Variants in CNTN6 observed in about 807,000 individuals in gnomAD.
The protein encoded by CNTN6 is contactin-6.
Under a neutral mutation model 122.8 loss-of-function variants are expected in CNTN6, and 137 were observed. That is an observed-to-expected ratio of 1.12 (90% CI 0.97 to 1.29). The LOEUF (loss-of-function observed/expected upper bound fraction) is 1.29, where lower values mean the gene tolerates loss of function less well. Among genes scored for constraint, CNTN6 ranks in the 50% most tolerant of loss-of-function variants. The pLI is 0.00. For synonymous variants in CNTN6, 570 were observed against 426.0 expected (o/e 1.34, Z -4.16); for missense variants, 1,634 against 1,223.4 (o/e 1.34, Z -5.01).
At chr3:1,319,543 G>A (rs910801900) in intron 7 of CNTN6, among the ~76,000 whole-genome samples, 1 of 151,414 alleles carries the variant, frequency 6.6e-6, no homozygotes, top group African/African-American at 2.4e-5. Flanking sequence ...AATGACTTCT[G>A]TCTTCACAAT....
rs1349629389 is a variant in CNTN6 at position 1,165,466 on chromosome 3, T to G, written c.55+17403T>G. ...AGAACCAGATAGATTCTTCTCAACC[T>G]TGTATTGAAGCTCTAGCAGGATTCC... On this transcript the variant is annotated intron_variant, in intron 2 of 22. Coordinates refer to ENST00000446702, the MANE Select transcript of CNTN6 (RefSeq NM_001289080.2). 3.3e-5 allele frequency among the ~76,000 whole-genome samples: 5 copies of G among 152,272 alleles called. No homozygotes were observed. In the East Asian group the frequency reaches 5.8e-4, roughly 18 times the overall value.
At chr3:1,315,185 A>G (rs916781321) in intron 7 of CNTN6, among the ~76,000 whole-genome samples, 4 of 152,024 alleles carry the variant, frequency 2.6e-5, no homozygotes, top group Non-Finnish European at 5.9e-5. Flanking sequence ...ACCTTCCTCC[A>G]TGGTGTTCTT....
At chr3:1,128,890 G>A (rs6442219) in intron 1 of CNTN6, among the ~76,000 whole-genome samples, 63,977 of 151,394 alleles carry the variant, frequency 0.42, 13,619 homozygotes, top group East Asian at 0.46. Context: ...GTACTATTCA[G>A]TTCCATAAAA....
intron 11 of CNTN6, among the ~76,000 whole-genome samples, chr3:1,344,080 A>G (rs925165040): frequency 2.0e-5 from 3 of 152,152 alleles, no homozygotes; most frequent in African/African-American, 4.8e-5. Context: ...TAAGTTAGTT[A>G]TTGAATCTCC....
intron 2 of CNTN6, among the ~76,000 whole-genome samples, chr3:1,154,390 A>G (rs1332210873): frequency 6.6e-6 from 1 of 151,688 alleles, no homozygotes; most frequent in East Asian, 1.9e-4. Flanking sequence ...AAAAATAGCT[A>G]TGCTATGACT....
rs190562246 is a variant in CNTN6 at position 1,161,860 on chromosome 3, T to G, written c.55+13797T>G. Among the ~76,000 whole-genome samples, 167 of 152,148 alleles carry G rather than the reference T, an allele frequency of 1.1e-3. 1 individual carries two copies. The highest frequency in any genetic ancestry group is 3.8e-3 in the African/African-American group (157 of 41,512). Reference sequence around the variant, plus strand: ...GTAGATATATATTTTCTATACATGTTACATTACACTAAATGATATTGTAAT... The same window carrying G: ...GTAGATATATATTTTCTATACATGTGACATTACACTAAATGATATTGTAAT... On this transcript the variant is annotated intron_variant, in intron 2 of 22. Coordinates refer to ENST00000446702, the MANE Select transcript of CNTN6 (RefSeq NM_001289080.2).
intron 4 of CNTN6, among the ~76,000 whole-genome samples, chr3:1,232,882 G>C (rs2094370522): frequency 6.6e-6 from 1 of 152,210 alleles, no homozygotes; most frequent in South Asian, 2.1e-4. Context: ...TCTGGACAGA[G>C]AAAGTGGTAG....
At chr3:1,395,085 T>C (rs1330084892) in intron 20 of CNTN6, among the ~76,000 whole-genome samples, 7 of 152,172 alleles carry the variant, frequency 4.6e-5, no homozygotes. Flanking sequence ...CCAGCCTGTA[T>C]GCTTCAGTGA....
In CNTN6 at chr3:1,390,064, T is replaced by C. The variant is rs575577836; in HGVS notation, c.2704+4267T>C. Among the ~76,000 whole-genome samples, 564 of 152,128 alleles carry C rather than the reference T, an allele frequency of 3.7e-3. 3 individuals are homozygous for C. The highest frequency in any genetic ancestry group is 0.013 in the African/African-American group (526 of 41,468). The stretch of plus-strand genomic sequence containing the variant: ...TCAGCTCTGCACCAAGTGGACCTAA[T>C]AGACATCTACAGAACTCTCCACCAC... On this transcript the variant is annotated intron_variant, in intron 20 of 22. Transcript: ENST00000446702.
intron 5 of CNTN6, among the ~76,000 whole-genome samples, chr3:1,290,654 C>T (rs1361772722): frequency 6.6e-6 from 1 of 152,174 alleles, no homozygotes; most frequent in Non-Finnish European, 1.5e-5. Flanking sequence ...ATGGCTACTC[C>T]ATAGACATAG....
intron 5 of CNTN6, among the ~76,000 whole-genome samples, chr3:1,288,649 A>C (rs1260238643): frequency 6.6e-6 from 1 of 152,184 alleles, no homozygotes; most frequent in Non-Finnish European, 1.5e-5. Context: ...ATCTGTTCTA[A>C]AGTGCCAATA....
chr3:1,161,260 G>GAT lies in CNTN6; in HGVS notation c.55+13213_55+13214dup, dbSNP rs200977178. The stretch of plus-strand genomic sequence containing the variant: ...TAATGATATATGATTATATATATAT[G>GAT]ATATATATATATATATAATGATAGC... On this transcript the variant is annotated intron_variant, in intron 2 of 22. Coordinates refer to ENST00000446702, the MANE Select transcript of CNTN6 (RefSeq NM_001289080.2). Among the ~76,000 whole-genome samples the GAT allele has an allele frequency of 6.9e-3, 684 of 99,772 alleles. 6 individuals carry two copies. The highest frequency in any genetic ancestry group is 0.023 in the African/African-American group (495 of 21,344). The allele number at this position is 99,772 out of a possible 152,430, so 65.5% of individuals were successfully genotyped here.
At chr3:1,111,771 T>G (rs2091491032) in intron 1 of CNTN6, among the ~76,000 whole-genome samples, 1 of 152,166 alleles carries the variant, frequency 6.6e-6, no homozygotes, top group African/African-American at 2.4e-5. Flanking sequence ...AAGGAAATAC[T>G]GTGTGAAATC....
At chr3:1,209,738 T>G (rs1559517960) in intron 2 of CNTN6, among the ~76,000 whole-genome samples, 1 of 105,616 alleles carries the variant, frequency 9.5e-6, no homozygotes, top group Non-Finnish European at 2.1e-5. Flanking sequence ...CAGGTAAAAC[T>G]GTGAGCCCCA....
At chr3:1,299,669 A>T (rs1050592170) in intron 7 of CNTN6, among the ~76,000 whole-genome samples, 8 of 152,210 alleles carry the variant, frequency 5.3e-5, no homozygotes, top group African/African-American at 1.9e-4. Context: ...GAAGCAAGCA[A>T]TTCAAACCCA....
chr3:1,133,941 T>G (rs985483566), intron 1 of CNTN6, among the ~76,000 whole-genome samples: 1 of 152,164 alleles, frequency 6.6e-6, no homozygotes, highest in Non-Finnish European at 1.5e-5. Context: ...CTTCCCTTCC[T>G]GGATGTTTTC....
chr3:1,168,706 C>T (rs966849170), intron 2 of CNTN6, among the ~76,000 whole-genome samples: 4 of 151,916 alleles, frequency 2.6e-5, no homozygotes, highest in Admixed American at 2.6e-4. Flanking sequence ...ACAAGAGTAC[C>T]TGGGGGTGCT....
At chr3:1,250,051 A>C (rs1280222416) in intron 4 of CNTN6, among the ~76,000 whole-genome samples, 2 of 152,150 alleles carry the variant, frequency 1.3e-5, no homozygotes, top group African/African-American at 4.8e-5. Flanking sequence ...CAAACTTTAA[A>C]ATTTATGATA....
intron 5 of CNTN6, among the ~76,000 whole-genome samples, chr3:1,292,256 T>G (rs948127044): frequency 6.6e-6 from 1 of 152,126 alleles, no homozygotes; most frequent in African/African-American, 2.4e-5. Context: ...TTTTTATGCG[T>G]GTGGCAGCTC....
Sources: gnomAD v4.1 joint callset for allele counts (sites outside exome capture counted in the v4.1 genomes callset) on GRCh38, gnomAD v4.1.1 for gene constraint, MANE v1.5 for transcripts, NCBI Gene and HGNC (gene_info 2026-07-23, HGNC 2026-07-21) for gene names.